Variants in TRPC4 observed in about 807,000 individuals in gnomAD.
TRPC4 encodes short transient receptor potential channel 4.
TRPC4 carries 49 observed loss-of-function variants against 99.4 expected under a neutral mutation model. That is an observed-to-expected ratio of 0.49 (90% CI 0.39 to 0.63). The LOEUF (loss-of-function observed/expected upper bound fraction) is 0.63. TRPC4 is among the 20% of genes least tolerant of loss of function. TRPC4 has a pLI of 0.00. For synonymous variants in TRPC4, 454 were observed against 425.9 expected (o/e 1.07, Z -0.81); for missense variants, 898 against 1,152.9 (o/e 0.78, Z 3.20).
intron 2 of TRPC4, among the ~76,000 whole-genome samples, chr13:37,778,472 G>T (rs1956762787): frequency 1.3e-5 from 2 of 151,802 alleles, no homozygotes. Flanking sequence ...TTATTATCCA[G>T]ACTATATCAA....
intron 1 of TRPC4, among the ~76,000 whole-genome samples, chr13:37,843,715 C>T (rs1335052249): frequency 6.6e-6 from 1 of 151,714 alleles, no homozygotes; most frequent in Non-Finnish European, 1.5e-5. Flanking sequence ...CGCACACATA[C>T]ACACATGCAC....
Position 37,632,607 on chromosome 13 carries a change from C to T in TRPC4, c.*4296G>A, listed in dbSNP as rs1951419881. Reference sequence around the variant, plus strand: ...CAGCCTAGTAACGGTGTGACTGTATCCAGGCTTGGTCCCATTGTCCCAATC... The same window carrying T: ...CAGCCTAGTAACGGTGTGACTGTATTCAGGCTTGGTCCCATTGTCCCAATC... On this transcript the variant is annotated 3_prime_UTR_variant, in exon 11 of 11. Transcript: ENST00000379705. Among the ~76,000 whole-genome samples the T allele has an allele frequency of 6.6e-6, 1 of 152,156 alleles. No homozygotes were observed. Among genetic ancestry groups the T allele is most frequent in the South Asian group, 2.1e-4 (1 of 4,836 alleles).
chr13:37,674,077 T>C lies in TRPC4; in HGVS notation c.1374+151A>G, dbSNP rs113675173. 23 of 632,546 alleles carry C rather than the reference T, an allele frequency of 3.6e-5. No homozygotes were observed. The African/African-American group carries it at 3.8e-4, about 11-fold the overall frequency. 39.2% of individuals were successfully genotyped at this position (632,546 alleles called of 1,614,324 possible). ...CTATGCATTTATTTATGTATTTTTATCCCTATATATCTATCAATAAAACCA... is the reference window on the plus strand; with the variant it reads ...CTATGCATTTATTTATGTATTTTTACCCCTATATATCTATCAATAAAACCA... On this transcript the variant is annotated intron_variant, in intron 5 of 10. Coordinates refer to ENST00000379705, the MANE Select transcript of TRPC4 (RefSeq NM_016179.4).
intron 6 of TRPC4, 46 bp from the exon 7 acceptor site, chr13:37,655,329 A>T: frequency 8.7e-7 from 1 of 1,152,148 alleles, no homozygotes; most frequent in Non-Finnish European, 1.1e-6. Flanking sequence ...TAATGGAATC[A>T]TTATACATGG....
chr13:37,632,997 T>C lies in TRPC4; in HGVS notation c.*3906A>G, dbSNP rs1301960954. ...ATATCTAGATGAGGAGGTTTTTGTT[T>C]AAGCCCCAACTTGACCACCAAACAC... On this transcript the variant is annotated 3_prime_UTR_variant, in exon 11 of 11. Transcript: ENST00000379705. Among the ~76,000 whole-genome samples, 1 of 152,138 alleles carries C rather than the reference T, an allele frequency of 6.6e-6. No homozygotes were observed. The highest frequency in any genetic ancestry group is 2.4e-5 in the African/African-American group (1 of 41,436).
At position 37,693,758 on chromosome 13, in the gene TRPC4, T is replaced by A. The variant is rs527589220; in HGVS notation, c.898-1423A>T. Among the ~76,000 whole-genome samples, 37 of 152,356 alleles carry A rather than the reference T, an allele frequency of 2.4e-4. No individual in the cohort carries two copies. The South Asian group carries it at 7.5e-3, about 31-fold the overall frequency. On this transcript the variant is annotated intron_variant, in intron 3 of 10. Coordinates refer to ENST00000379705, the MANE Select transcript of TRPC4 (RefSeq NM_016179.4). The stretch of plus-strand genomic sequence containing the variant: ...TTTTTCATGCAACTGTTTCTCTTCA[T>A]CTTGTCTTGCATATCTACTCATCAA...
intron 3 of TRPC4, among the ~76,000 whole-genome samples, chr13:37,738,213 G>A (rs191216669): frequency 3.3e-5 from 5 of 152,296 alleles, no homozygotes; most frequent in African/African-American, 1.2e-4. Flanking sequence ...GTTCTGGGAA[G>A]CCATAATAGA....
intron 1 of TRPC4, among the ~76,000 whole-genome samples, chr13:37,866,559 C>T (rs1395260490): frequency 6.6e-6 from 1 of 151,600 alleles, no homozygotes; most frequent in African/African-American, 2.4e-5. Context: ...GGTGTCTTTC[C>T]CTAAATGCAT....
At chr13:37,689,227 A>C (rs1196404671) in intron 4 of TRPC4, among the ~76,000 whole-genome samples, 4 of 152,154 alleles carry the variant, frequency 2.6e-5, no homozygotes, top group Non-Finnish European at 5.9e-5. Context: ...AAGACACTGA[A>C]AATCCTGAGA....
chr13:37,651,348 G>GA lies in TRPC4; in HGVS notation c.1995dup (p.Leu666SerfsTer33). 6.2e-7 allele frequency: 1 copy of GA among 1,614,114 alleles called. No individual in the cohort carries two copies. The highest frequency in any genetic ancestry group is 8.5e-7 in the Non-Finnish European group (1 of 1,180,004). ...CAGATCCATTTGATCAGGTACCAGA[G>GA]AGACTTGGGGCTCGGGATGACATTG... On this transcript the variant is annotated frameshift_variant, in exon 8 of 11. Transcript: ENST00000379705. LOFTEE classifies it high-confidence loss of function.
At chr13:37,653,912 G>C (rs1016000513) in intron 7 of TRPC4, among the ~76,000 whole-genome samples, 1 of 152,062 alleles carries the variant, frequency 6.6e-6, no homozygotes, top group Non-Finnish European at 1.5e-5. Flanking sequence ...TAGAACTTCT[G>C]ACACAAAAAT....
At chr13:37,745,221 G>T (rs930924775) in intron 3 of TRPC4, among the ~76,000 whole-genome samples, 1 of 151,520 alleles carries the variant, frequency 6.6e-6, no homozygotes, top group African/African-American at 2.4e-5. Flanking sequence ...ATCTGTGGGG[G>T]ATTGGTTCCA....
chr13:37,790,194 A>G (rs1334575714), intron 1 of TRPC4, among the ~76,000 whole-genome samples: 1 of 152,190 alleles, frequency 6.6e-6, no homozygotes, highest in East Asian at 1.9e-4. Flanking sequence ...TAGTAGTTGC[A>G]GAAAGTAAAA....
At chr13:37,648,090 G>A (rs892312624) in intron 8 of TRPC4, among the ~76,000 whole-genome samples, 3 of 151,998 alleles carry the variant, frequency 2.0e-5, no homozygotes, top group African/African-American at 7.2e-5. Context: ...CTACAGGCAC[G>A]TGCCACCACG....
intron 1 of TRPC4, among the ~76,000 whole-genome samples, chr13:37,826,642 C>T (rs146077218): frequency 0.038 from 5,707 of 152,008 alleles, 372 homozygotes; most frequent in African/African-American, 0.13. Flanking sequence ...CCAAGAGATC[C>T]GCTGTTAGTC....
chr13:37,727,226 A>G (rs1955094553), intron 3 of TRPC4, among the ~76,000 whole-genome samples: 1 of 152,154 alleles, frequency 6.6e-6, no homozygotes, highest in African/African-American at 2.4e-5. Flanking sequence ...GATATCATAC[A>G]AAGTATCTTT....
rs188102987 is a variant in TRPC4, at chr13:37,662,202, C to T, written c.1688+1214G>A. On this transcript the variant is annotated intron_variant, in intron 6 of 10. Coordinates refer to ENST00000379705, the MANE Select transcript of TRPC4 (RefSeq NM_016179.4). ...GTGGGTGCCTGTAGCCCCAGCTACT[C>T]GGGAGGCTGAAGCAGGAGAATCACT... Among the ~76,000 whole-genome samples, 137 of 151,746 alleles carry T rather than the reference C, an allele frequency of 9.0e-4. 6 individuals are homozygous for T. In the East Asian group the frequency reaches 0.023, roughly 26 times the overall value.
intron 3 of TRPC4, among the ~76,000 whole-genome samples, chr13:37,706,749 G>A (rs910316256): frequency 3.3e-5 from 5 of 151,778 alleles, no homozygotes; most frequent in African/African-American, 9.7e-5. Context: ...TTGTTCTTGC[G>A]ATAGTTTGCT....
At chr13:37,669,923 C>T (rs1393861023) in intron 5 of TRPC4, among the ~76,000 whole-genome samples, 1 of 152,008 alleles carries the variant, frequency 6.6e-6, no homozygotes, top group Admixed American at 6.6e-5. Flanking sequence ...ATTGAGCCCC[C>T]CAGTGTGATG....
Sources: allele counts gnomAD v4.1 joint callset (sites outside exome capture counted in the v4.1 genomes callset), GRCh38; gene constraint gnomAD v4.1.1; transcripts MANE v1.5; gene names NCBI Gene and HGNC (gene_info 2026-07-23, HGNC 2026-07-21).